The following LSR variants were observed in gnomAD, a reference collection of about 807,000 sequenced individuals.
LSR encodes the protein lipolysis-stimulated lipoprotein receptor.
A neutral mutation model predicts 61.8 loss-of-function variants in LSR; 44 were observed. That is an observed-to-expected ratio of 0.71 (90% CI 0.56 to 0.91). The LOEUF (loss-of-function observed/expected upper bound fraction) is 0.91, where lower values mean the gene tolerates loss of function less well. Among genes scored for constraint, LSR ranks in the 40% least tolerant of loss-of-function variants. The probability of loss-of-function intolerance (pLI) is 0.00; values close to 1 mark genes in which losing one functional copy is unlikely to be tolerated. For missense variants in LSR, 911 were observed against 830.5 expected (o/e 1.10, Z -1.19); for synonymous variants, 397 against 350.6 (o/e 1.13, Z -1.48).
At chr19:35,254,525 A>T (rs1278298695) in intron 2 of LSR, among the ~76,000 whole-genome samples, 1 of 152,188 alleles carries the variant, frequency 6.6e-6, no homozygotes, top group African/African-American at 2.4e-5. Context: ...CAGCACCTGG[A>T]CAGGAGGCCC....
chr19:35,260,833 AACACAC>A (rs139397551), intron 3 of LSR, among the ~76,000 whole-genome samples: 5 of 149,258 alleles, frequency 3.3e-5, no homozygotes, highest in African/African-American at 7.4e-5. Context: ...AAGAAACACA[AACACAC>A]ACACACACAC....
At chr19:35,262,311 G>C (rs1177194618) in intron 4 of LSR, among the ~76,000 whole-genome samples, 1 of 152,156 alleles carries the variant, frequency 6.6e-6, no homozygotes, top group African/African-American at 2.4e-5. Flanking sequence ...TTTCTGCCTT[G>C]TGTTTTTTGC....
intron 2 of LSR, among the ~76,000 whole-genome samples, chr19:35,254,170 T>G (rs1055449457): frequency 5.3e-5 from 8 of 152,126 alleles, no homozygotes; most frequent in African/African-American, 1.9e-4. Context: ...CTCAGCTCAC[T>G]GCAACCTCTG....
rs1332764366 is a variant in LSR at position 35,259,267 on chromosome 19, C to T, written c.574+203C>T. 5.6e-6 allele frequency: 3 copies of T among 537,686 alleles called. No individual in the cohort carries two copies. In the African/African-American group the frequency reaches 5.8e-5, roughly 10 times the overall value. The allele number at this position is 537,686 out of a possible 1,614,324, so 33.3% of individuals were successfully genotyped here. A position where few individuals can be genotyped will look rare whatever the true frequency, so the allele number is the denominator to read the frequency against. ...AGGGACCACTGGCCCACAGTGCCTC[C>T]AATCACCCAAGCCAAACTAAGAGAA... On this transcript the variant is annotated intron_variant, in intron 3 of 9. Transcript: ENST00000605618.
intron 5 of LSR, among the ~76,000 whole-genome samples, chr19:35,265,986 ACTT>A (rs777788438): frequency 5.9e-5 from 9 of 152,242 alleles, no homozygotes; most frequent in Non-Finnish European, 1.0e-4. Flanking sequence ...ATGGGTGGCC[ACTT>A]CTTCCAGTAA....
intron 2 of LSR, among the ~76,000 whole-genome samples, chr19:35,256,441 C>T (rs911154902): frequency 3.9e-5 from 6 of 152,070 alleles, no homozygotes; most frequent in Admixed American, 6.6e-5. Flanking sequence ...TGCAAGTCTC[C>T]GAAGCCTGGC....
intron 5 of LSR, among the ~76,000 whole-genome samples, chr19:35,263,392 C>T (rs533242131): frequency 6.6e-6 from 1 of 152,242 alleles, no homozygotes; most frequent in South Asian, 2.1e-4. Context: ...GAAAGGGTCT[C>T]ATTCTGTCAT....
chr19:35,250,287 C>A, intron 1 of LSR, 28 bp from the exon 2 acceptor site: 1 of 1,464,452 alleles, frequency 6.8e-7, no homozygotes, highest in South Asian at 1.4e-5. Flanking sequence ...CTCACAGCAA[C>A]CCTTGCTGTC....
chr19:35,265,101 G>GA (rs946829905), intron 5 of LSR, among the ~76,000 whole-genome samples: 17 of 152,176 alleles, frequency 1.1e-4, no homozygotes, highest in African/African-American at 3.9e-4. Flanking sequence ...TCACTTCCCT[G>GA]AAAAAATTCC....
In LSR at chr19:35,267,558, A is replaced by T. The variant is rs747898152; in HGVS notation, c.1594A>T (p.Arg532Trp). The change falls in exon 9 of 10, where the codon AGG becomes TGG. Residue 532 changes from arginine (R) to tryptophan (W), a missense_variant. Coordinates refer to ENST00000605618, the MANE Select transcript of LSR (RefSeq NM_205834.4). ...RTRDPRDNGS[R>W]SGDLPYDGRL... is the part of the protein sequence containing the mutation. Reference sequence around the variant, plus strand: ...CCGGGACCCTCGGGACAACGGCTCCAGGTCCGGGGACCTCCCCTATGATGG... The same window carrying T: ...CCGGGACCCTCGGGACAACGGCTCCTGGTCCGGGGACCTCCCCTATGATGG... 1.2e-6 allele frequency: 2 copies of T among 1,612,210 alleles called. No individual in the cohort carries two copies. Among genetic ancestry groups the T allele is most frequent in the Non-Finnish European group, 1.7e-6 (2 of 1,179,718 alleles).
rs1232303747 is a variant in LSR, at chr19:35,266,877, G to C, written c.1054G>C (p.Asp352His). The C allele has an allele frequency of 6.2e-7, 1 of 1,612,632 alleles. No homozygotes were observed. Among genetic ancestry groups the C allele is most frequent in the Non-Finnish European group, 8.5e-7 (1 of 1,179,434 alleles). ...CAGGATTCAGGCCAGCCAGCAGGAC[G>C]ACTCCATGCGGGTCCTGTACTACAT... ...GYRIQASQQD[D>H]SMRVLYYMEK... The change falls in exon 8 of 10, where the codon GAC becomes CAC. Residue 352 changes from aspartate (D) to histidine (H), a missense_variant. Transcript: ENST00000605618.
At chr19:35,252,511 T>A (rs1328862212) in intron 2 of LSR, among the ~76,000 whole-genome samples, 1 of 150,644 alleles carries the variant, frequency 6.6e-6, no homozygotes, top group Non-Finnish European at 1.5e-5. Flanking sequence ...TAGCCAGGCA[T>A]GGTGGCACAT....
At chr19:35,261,160 G>T (rs1213797841) in intron 3 of LSR, among the ~76,000 whole-genome samples, 1 of 152,142 alleles carries the variant, frequency 6.6e-6, no homozygotes, top group African/African-American at 2.4e-5. Context: ...AGGGGCACTC[G>T]AGGGAAGACA....
At chr19:35,253,983 TC>T (rs138632673) in intron 2 of LSR, among the ~76,000 whole-genome samples, 19,865 of 152,212 alleles carry the variant, frequency 0.13, 1,419 homozygotes, top group South Asian at 0.23. Context: ...AGTGTAAACA[TC>T]CATTGTGTGT....
chr19:35,249,646 CG>C (rs1384314954), intron 1 of LSR, among the ~76,000 whole-genome samples: 1 of 152,104 alleles, frequency 6.6e-6, no homozygotes, highest in African/African-American at 2.4e-5. Context: ...ATTATACGTG[CG>C]TAAGAGTCTG....
Position 35,266,947 on chromosome 19 carries a change from C to T in LSR, c.1124C>T (p.Pro375Leu), listed in dbSNP as rs764830985. The change falls in exon 8 of 10, where the codon CCC becomes CTC. Residue 375 changes from proline (P) to leucine (L), a missense_variant. Physicochemically the swap from Pro to Leu is moderately conservative, Grantham distance 98 (BLOSUM62 -3). Transcript: ENST00000605618. ...ANFDPSRPGPPSGRVERAMSE... is the reference protein window; with the variant it reads ...ANFDPSRPGPLSGRVERAMSE... ...TTCGACCCTTCTCGACCTGGCCCCC[C>T]CAGTGGCCGTGTGGAGCGGGGTAAG... 1.5e-5 allele frequency: 24 copies of T among 1,613,204 alleles called. No homozygotes were observed. Among genetic ancestry groups the T allele is most frequent in the East Asian group, 2.2e-5 (1 of 44,900 alleles).
intron 3 of LSR, among the ~76,000 whole-genome samples, chr19:35,260,966 T>C (rs2065920813): frequency 1.3e-5 from 2 of 152,242 alleles, no homozygotes; most frequent in South Asian, 4.1e-4. Context: ...CTTAGTGTTA[T>C]TCTAAAATTT....
In LSR at chr19:35,266,946, C is replaced by G. The variant is rs1351539527; in HGVS notation, c.1123C>G (p.Pro375Ala). 9.9e-6 allele frequency: 16 copies of G among 1,613,290 alleles called. No individual in the cohort carries two copies. The highest frequency in any genetic ancestry group is 1.2e-5 in the Non-Finnish European group (14 of 1,179,658). ...ANFDPSRPGP[P>A]SGRVERAMSE... ...CTTCGACCCTTCTCGACCTGGCCCC[C>G]CCAGTGGCCGTGTGGAGCGGGGTAA... Residue 375 changes from proline (P) to alanine (A), a missense_variant, in exon 8 of 10, where the codon CCC becomes GCC. Pro to Ala is a conservative substitution (Grantham distance 27). Coordinates refer to ENST00000605618, the MANE Select transcript of LSR (RefSeq NM_205834.4).
Position 35,249,007 on chromosome 19 carries a change from C to T in LSR, c.-16C>T, listed in dbSNP as rs1358320376. On this transcript the variant is annotated 5_prime_UTR_variant, in exon 1 of 10. Coordinates refer to ENST00000605618, the MANE Select transcript of LSR (RefSeq NM_205834.4). The stretch of plus-strand genomic sequence containing the variant: ...TTGGAAGGGACGCGCGGGCCAGACG[C>T]GCCCAGACGGCCGCGATGGCGCTGT... The T allele has an allele frequency of 2.5e-6, 4 of 1,609,798 alleles. No individual in the cohort carries two copies. The highest frequency in any genetic ancestry group is 1.3e-5 in the African/African-American group (1 of 74,916).
Sources: allele counts gnomAD v4.1 joint callset (sites outside exome capture counted in the v4.1 genomes callset), GRCh38; gene constraint gnomAD v4.1.1; transcripts MANE v1.5; gene names NCBI Gene and HGNC (gene_info 2026-07-23, HGNC 2026-07-21).